TPGS2: variants seen among roughly 807,000 people sequenced by gnomAD.
The protein encoded by TPGS2 is tubulin polyglutamylase complex subunit 2.
Under a neutral mutation model 31.1 loss-of-function variants are expected in TPGS2, and 26 were observed. That is an observed-to-expected ratio of 0.84 (90% CI 0.61 to 1.16). TPGS2 has a LOEUF of 1.16. TPGS2 is among the 50% of genes most tolerant of loss of function. The pLI is 0.00. For missense variants in TPGS2, 351 were observed against 363.8 expected (o/e 0.96, Z 0.29); for synonymous variants, 130 against 136.6 (o/e 0.95, Z 0.34).
chr18:36,807,173 G>A (rs2045192548), intron 3 of TPGS2, among the ~76,000 whole-genome samples: 1 of 152,142 alleles, frequency 6.6e-6, no homozygotes, highest in Non-Finnish European at 1.5e-5. Flanking sequence ...TCCTGTGGCT[G>A]GACAGGGTTT....
intron 6 of TPGS2, among the ~76,000 whole-genome samples, chr18:36,784,359 T>A (rs1346285609): frequency 6.6e-6 from 1 of 152,006 alleles, no homozygotes; most frequent in Admixed American, 6.6e-5. Flanking sequence ...TGGGAAGGAG[T>A]CATCTACTGA....
In TPGS2 at chr18:36,795,418, C is replaced by T. The variant is rs922920577; in HGVS notation, c.*1387G>A. 1.9e-5 allele frequency: 19 copies of T among 985,270 alleles called. No homozygotes were observed. The highest frequency in any genetic ancestry group is 1.2e-4 in the Admixed American group (2 of 16,260). The allele number at this position is 985,270 out of a possible 1,614,324, so 61.0% of individuals were successfully genotyped here. A position where few individuals can be genotyped will look rare whatever the true frequency, so the allele number is the denominator to read the frequency against. ...GGCCCCTGCACCTCATTCCTCAAAA[C>T]TCCTAATTCTCTAACCTCTGGGACT... is the stretch of plus-strand genomic sequence containing the variant. On this transcript the variant is annotated 3_prime_UTR_variant, in exon 7 of 7. Transcript: ENST00000334295.
chr18:36,820,900 A>G (rs575574793), intron 1 of TPGS2: 1 of 152,342 alleles, frequency 6.6e-6, no homozygotes, highest in East Asian at 1.9e-4. Flanking sequence ...TTTGTGACCA[A>G]TGACAAGCAT....
intron 2 of TPGS2, among the ~76,000 whole-genome samples, chr18:36,813,815 G>A (rs1175133272): frequency 6.6e-6 from 1 of 152,210 alleles, no homozygotes; most frequent in Non-Finnish European, 1.5e-5. Flanking sequence ...AGAAAGAAGT[G>A]AAGTGCTAGA....
chr18:36,823,749 C>G (rs111799022), intron 1 of TPGS2: 2 of 878,050 alleles, frequency 2.3e-6, no homozygotes. Context: ...CGTGAGCCAC[C>G]GCGCCCGGCC....
At position 36,796,466 on chromosome 18, in the gene TPGS2, G is replaced by T. The variant is rs1455027687; in HGVS notation, c.*339C>A. On this transcript the variant is annotated 3_prime_UTR_variant, in exon 7 of 7. Coordinates refer to ENST00000334295, the MANE Select transcript of TPGS2 (RefSeq NM_015476.4). ...ACAATGCAGTTCTAATGCTTCATGG[G>T]TCAAAACCAGTGGTTTCTTTGGGGG... The T allele has an allele frequency of 2.8e-6, 3 of 1,068,150 alleles. No homozygotes were observed. Among genetic ancestry groups the T allele is most frequent in the Non-Finnish European group, 3.4e-6 (3 of 885,040 alleles). 66.2% of individuals were successfully genotyped at this position (1,068,150 alleles called of 1,614,324 possible).
chr18:36,786,839 CAG>C, intron 6 of TPGS2: 1 of 1,234,348 alleles, frequency 8.1e-7, no homozygotes, highest in Non-Finnish European at 1.0e-6. Flanking sequence ...CAACACCTAA[CAG>C]TGAAAAATAG....
intron 6 of TPGS2, among the ~76,000 whole-genome samples, chr18:36,784,209 G>T (rs886987902): frequency 3.3e-5 from 5 of 152,170 alleles, no homozygotes; most frequent in African/African-American, 1.2e-4. Flanking sequence ...GATTCCTCAC[G>T]GTATCCTCTA....
In TPGS2 at chr18:36,794,447, G is replaced by A. The variant is rs1200147156; in HGVS notation, c.*2358C>T. On this transcript the variant is annotated 3_prime_UTR_variant, in exon 7 of 7. Coordinates refer to ENST00000334295, the MANE Select transcript of TPGS2 (RefSeq NM_015476.4). The stretch of plus-strand genomic sequence containing the variant: ...ACACCGCTGACCTCCTGGTTCCTCC[G>A]CTGCTTCACTTGTGGAATCCAGGGC... The A allele has an allele frequency of 5.1e-6, 5 of 985,374 alleles. No homozygotes were observed. The highest frequency in any genetic ancestry group is 9.4e-5 in the South Asian group (2 of 21,282). 61.0% of individuals were successfully genotyped at this position (985,374 alleles called of 1,614,324 possible). A position where few individuals can be genotyped will look rare whatever the true frequency, so the allele number is the denominator to read the frequency against.
chr18:36,809,167 C>T (rs1036725037), intron 2 of TPGS2, among the ~76,000 whole-genome samples: 7 of 152,128 alleles, frequency 4.6e-5, no homozygotes, highest in Non-Finnish European at 7.3e-5. Flanking sequence ...AGCTGAGTGA[C>T]GAACACATCA....
chr18:36,792,185 C>T (rs1487645654), downstream of TPGS2, among the ~76,000 whole-genome samples: 2 of 152,078 alleles, frequency 1.3e-5, no homozygotes, highest in Non-Finnish European at 2.9e-5. Flanking sequence ...CTCTGAATGG[C>T]TATTGGACAG....
chr18:36,819,384 T>C (rs547251874), intron 1 of TPGS2, among the ~76,000 whole-genome samples: 1 of 152,354 alleles, frequency 6.6e-6, no homozygotes, highest in Admixed American at 6.5e-5. Context: ...TATTAACTTT[T>C]CTTCTAAATA....
In TPGS2 at chr18:36,786,690, G is replaced by T. The variant is rs536378073; in HGVS notation, c.658-3559C>A. 7.5e-5 allele frequency: 46 copies of T among 609,998 alleles called. 1 individual carries two copies. Among genetic ancestry groups the T allele is most frequent in the Admixed American group, 4.8e-4 (11 of 22,958 alleles). 37.8% of individuals were successfully genotyped at this position (609,998 alleles called of 1,614,324 possible). On this transcript the variant is annotated intron_variant, in intron 6 of 6. Coordinates refer to the TPGS2 transcript ENST00000587129. ...GTTGTTGTGTCTAAAACCACAAAAGGGAGGGGGTATGATGAGGTGTGTCTG... is the reference window on the plus strand; with the variant it reads ...GTTGTTGTGTCTAAAACCACAAAAGTGAGGGGGTATGATGAGGTGTGTCTG...
chr18:36,802,824 C>T (rs985501595), intron 4 of TPGS2, among the ~76,000 whole-genome samples: 8 of 152,100 alleles, frequency 5.3e-5, no homozygotes, highest in Non-Finnish European at 1.0e-4. Context: ...GACGGGGTTT[C>T]ACCATGTTGG....
rs538585073 is a variant in TPGS2, at chr18:36,794,589, C to G, written c.*2216G>C. ...TCTAACCTCGCTTGTCTTGGAGAAG[C>G]AGCCAAATGCTAGAATCTCCTATCC... On this transcript the variant is annotated 3_prime_UTR_variant, in exon 7 of 7. Transcript: ENST00000334295. The G allele has an allele frequency of 1.3e-4, 133 of 985,368 alleles. No homozygotes were observed. The African/African-American group carries it at 2.2e-3, about 17-fold the overall frequency. 61.0% of individuals were successfully genotyped at this position (985,368 alleles called of 1,614,324 possible).
chr18:36,788,181 A>C (rs529361593), intron 6 of TPGS2, among the ~76,000 whole-genome samples: 325 of 152,260 alleles, frequency 2.1e-3, no homozygotes, highest in Non-Finnish European at 4.2e-3. Flanking sequence ...GTTTGTGAAG[A>C]TAGTTATTAA....
At chr18:36,822,157 G>A (rs2045922546) in intron 1 of TPGS2, among the ~76,000 whole-genome samples, 1 of 152,218 alleles carries the variant, frequency 6.6e-6, no homozygotes, top group African/African-American at 2.4e-5. Context: ...AGCTGTGACT[G>A]GTTGTTTTGC....
intron 5 of TPGS2, among the ~76,000 whole-genome samples, chr18:36,799,872 G>A (rs2044719120): frequency 7.1e-6 from 1 of 140,234 alleles, no homozygotes; most frequent in Admixed American, 7.4e-5. Flanking sequence ...AAGATAATGT[G>A]TTTTCTGGAT....
chr18:36,796,610 G>T lies in TPGS2; in HGVS notation c.*195C>A. 1 of 1,345,308 alleles carries T rather than the reference G, an allele frequency of 7.4e-7. No individual in the cohort carries two copies. The highest frequency in any genetic ancestry group is 9.5e-7 in the Non-Finnish European group (1 of 1,055,098). 83.3% of individuals were successfully genotyped at this position (1,345,308 alleles called of 1,614,324 possible). On this transcript the variant is annotated 3_prime_UTR_variant, in exon 7 of 7. Transcript: ENST00000334295. ...AAATTCCCCATTGCTTCCAGAGGCAGGGGACAGCACAACCTGCTCTGGAGG... is the reference window on the plus strand; with the variant it reads ...AAATTCCCCATTGCTTCCAGAGGCATGGGACAGCACAACCTGCTCTGGAGG...
Sources: gnomAD v4.1 joint callset for allele counts (sites outside exome capture counted in the v4.1 genomes callset) on GRCh38, gnomAD v4.1.1 for gene constraint, MANE v1.5 for transcripts, NCBI Gene and HGNC (gene_info 2026-07-23, HGNC 2026-07-21) for gene names.